F5: variants seen among roughly 807,000 people sequenced by gnomAD.
F5 encodes coagulation factor V, also known as activated protein c cofactor.
In F5, 138 loss-of-function variants were observed where a neutral mutation model predicts 216.4. That is an observed-to-expected ratio of 0.64 (90% CI 0.56 to 0.73). The LOEUF is 0.73. Ranked by LOEUF, F5 falls within the 30% of genes least tolerant of loss-of-function variation. The pLI is 0.00. For missense variants in F5, 2,403 were observed against 2,674.0 expected (o/e 0.90, Z 2.24); for synonymous variants, 916 against 930.7 (o/e 0.98, Z 0.29).
At chr1:169,550,091 G>T in intron 9 of F5, 76 bp from the exon 10 acceptor site, 3 of 1,181,136 alleles carry the variant, frequency 2.5e-6, no homozygotes, top group Admixed American at 1.7e-5. Flanking sequence ...ATAAGCTTTC[G>T]CTGGAACCAA....
At chr1:169,550,777 T>A in intron 8 of F5, 38 bp from the exon 9 acceptor site, 1 of 1,455,682 alleles carries the variant, frequency 6.9e-7, no homozygotes, top group Non-Finnish European at 9.7e-7. Flanking sequence ...GGATTTAAGG[T>A]TGATCATGAC....
chr1:169,546,980 A>G (rs935597144), intron 10 of F5, among the ~76,000 whole-genome samples: 5 of 77,202 alleles, frequency 6.5e-5, no homozygotes, highest in Admixed American at 3.3e-4. Flanking sequence ...AAAAAAAAAA[A>G]AAAGAAAAGA....
Position 169,540,703 on chromosome 1 carries a change from T to A in F5, c.4387A>T (p.Ile1463Leu). ...TGACTAGATTCAGAAGGGTAGAATA[T>A]CTGATCAAGGTCTGGAGGAGGTGAT... Reference protein sequence around the residue: ...QISPPPDLDQIFYPSESSQSL... With the variant: ...QISPPPDLDQLFYPSESSQSL... The change falls in exon 13 of 25, where the codon ATA becomes TTA. Residue 1463 changes from isoleucine to leucine, a missense_variant. Ile to Leu is a conservative substitution (Grantham distance 5). Transcript: ENST00000367797. 6.2e-7 allele frequency: 1 copy of A among 1,614,046 alleles called. No homozygotes were observed. Among genetic ancestry groups the A allele is most frequent in the Non-Finnish European group, 8.5e-7 (1 of 1,179,976 alleles).
At chr1:169,556,939 C>T in intron 5 of F5, 72 bp from the exon 6 acceptor site, 1 of 1,354,660 alleles carries the variant, frequency 7.4e-7, no homozygotes, top group Admixed American at 1.8e-5. Context: ...CATTCACTCA[C>T]CAAGTGTATT....
intron 3 of F5, among the ~76,000 whole-genome samples, chr1:169,567,471 T>G (rs1227441850): frequency 1.3e-5 from 2 of 151,856 alleles, no homozygotes; most frequent in East Asian, 3.9e-4. Flanking sequence ...GGACACAAAC[T>G]TCCAATCCAT....
At position 169,560,712 on chromosome 1, in the gene F5, G is replaced by A; in HGVS notation, c.428C>T (p.Ala143Val). 2 of 1,613,508 alleles carry A rather than the reference G, an allele frequency of 1.2e-6. No homozygotes were observed. The highest frequency in any genetic ancestry group is 1.7e-6 in the Non-Finnish European group (2 of 1,179,778). The change falls in exon 4 of 25, where the codon GCT becomes GTT. Residue 143 changes from alanine (A) to valine (V), a missense_variant. This residue lies in a region of F5 where 1,425 missense variants were observed against 1,554.8 expected (regional missense o/e 0.92). Coordinates refer to ENST00000367797, the MANE Select transcript of F5 (RefSeq NM_000130.5). ...FPAEKMDDAV[A>V]PGREYTYEWS... ...TTCATAGGTGTATTCTCGGCCTGGA[G>A]CCACAGCGTCGTCCATCTTCTCCGC...
Position 169,541,238 on chromosome 1 carries a change from G to T in F5, c.3852C>A (p.Thr1284=), listed in dbSNP as rs778055111. The change falls in exon 13 of 25, where the codon ACC becomes ACA. Residue 1284 remains threonine (T), a synonymous_variant. Coordinates refer to ENST00000367797, the MANE Select transcript of F5 (RefSeq NM_000130.5). ...TTGTCTGGCTGAAGTCTAGAGAAAG[G>T]GTTGTATGGCTGAGGTCTGGAGAAA... ...MPLSPDLSHT[T]LSLDFSQTNL... 9.4e-6 allele frequency: 15 copies of T among 1,588,946 alleles called. No homozygotes were observed. Among genetic ancestry groups the T allele is most frequent in the Admixed American group, 5.1e-5 (3 of 58,472 alleles).
chr1:169,542,952 A>G lies in F5; in HGVS notation c.2138T>C (p.Leu713Ser). The change falls in exon 13 of 25, where the codon TTA becomes TCA. Residue 713 changes from leucine (L) to serine (S), a missense_variant. Leu to Ser is a moderately radical substitution (Grantham distance 145). Coordinates refer to ENST00000367797, the MANE Select transcript of F5 (RefSeq NM_000130.5). ...ATCACTCTCTTCATCTTCAGGTTCT[A>G]AACGATCATGCATTTTCCGTGTAGC... is the stretch of plus-strand genomic sequence containing the variant. ...VMATRKMHDRLEPEDEESDAD... is the reference protein window; with the variant it reads ...VMATRKMHDRSEPEDEESDAD... 1 of 1,614,088 alleles carries G rather than the reference A, an allele frequency of 6.2e-7. No homozygotes were observed. The highest frequency in any genetic ancestry group is 8.5e-7 in the Non-Finnish European group (1 of 1,179,992).
chr1:169,577,695 C>T (rs1166878355), intron 2 of F5, among the ~76,000 whole-genome samples: 1 of 149,786 alleles, frequency 6.7e-6, no homozygotes, highest in East Asian at 2.0e-4. Flanking sequence ...CCACCTTGGC[C>T]TCCCAAAGTG....
chr1:169,558,167 C>T (rs976527206), intron 5 of F5, among the ~76,000 whole-genome samples: 2 of 152,110 alleles, frequency 1.3e-5, no homozygotes, highest in Non-Finnish European at 2.9e-5. Context: ...CACATTGAGA[C>T]AACTAATTTA....
At position 169,514,471 on chromosome 1, in the gene F5, A is replaced by G. The variant is rs375629969; in HGVS notation, c.6529-12T>C. On this transcript the variant is annotated splice_polypyrimidine_tract_variant and intron_variant, in intron 24 of 24. Transcript: ENST00000367797. ...TTTCCTTCAAAAATCTGAAAGCCAA[A>G]TAAGAGAAAATCTTTAATGACAACA... The G allele has an allele frequency of 1.3e-4, 210 of 1,611,506 alleles. No individual in the cohort carries two copies. The highest frequency in any genetic ancestry group is 1.6e-4 in the Non-Finnish European group (194 of 1,178,318).
chr1:169,582,615 TC>T (rs1661015582), intron 1 of F5, 93 bp from the exon 2 acceptor site: 1 of 642,164 alleles, frequency 1.6e-6, no homozygotes, highest in South Asian at 1.8e-5. Flanking sequence ...TCTTCAGACT[TC>T]TAGTAGAATA....
chr1:169,560,415 C>A, intron 4 of F5, 139 bp downstream of exon 4: 1 of 767,922 alleles, frequency 1.3e-6, no homozygotes, highest in Non-Finnish European at 2.2e-6. Context: ...TCTTGTCAAA[C>A]AATGATCTGG....
chr1:169,527,112 C>G (rs965707938), intron 17 of F5, among the ~76,000 whole-genome samples: 1 of 152,042 alleles, frequency 6.6e-6, no homozygotes, highest in Non-Finnish European at 1.5e-5. Context: ...TTGGTGCAAA[C>G]TATAATTGCG....
intron 10 of F5, among the ~76,000 whole-genome samples, chr1:169,547,212 A>C (rs1024584062): frequency 1.3e-5 from 2 of 152,098 alleles, no homozygotes; most frequent in African/African-American, 4.8e-5. Context: ...AACACACTTA[A>C]ACGTAAAACC....
chr1:169,521,755 G>A (rs779594986), intron 21 of F5, among the ~76,000 whole-genome samples: 1 of 150,880 alleles, frequency 6.6e-6, no homozygotes, highest in Non-Finnish European at 1.5e-5. Context: ...CAAGTAGCTG[G>A]GATTACAAGT....
At chr1:169,565,983 G>GA (rs984879580) in intron 3 of F5, among the ~76,000 whole-genome samples, 5 of 151,918 alleles carry the variant, frequency 3.3e-5, no homozygotes, top group Non-Finnish European at 5.9e-5. Context: ...GTCTATAAAA[G>GA]AAAAAAAGTT....
At position 169,550,021 on chromosome 1, in the gene F5, A is replaced by G. The variant is rs774283403; in HGVS notation, c.1397-6T>C. The G allele has an allele frequency of 5.0e-6, 8 of 1,611,084 alleles. No individual in the cohort carries two copies. In the Admixed American group the frequency reaches 1.2e-4, roughly 23 times the overall value. ...GATCATGGTGTTGTTCCTGCCTGAA[A>G]GAAAATATATTCAAAATTGTTTTCA... On this transcript the variant is annotated splice_polypyrimidine_tract_variant and splice_region_variant and intron_variant, in intron 9 of 24. Coordinates refer to ENST00000367797, the MANE Select transcript of F5 (RefSeq NM_000130.5).
chr1:169,583,075 T>C (rs542965771), intron 1 of F5, among the ~76,000 whole-genome samples: 4 of 152,280 alleles, frequency 2.6e-5, no homozygotes, highest in Non-Finnish European at 4.4e-5. Flanking sequence ...GTCCAAGAGA[T>C]ACAGTTGATA....
Sources: allele counts gnomAD v4.1 joint callset (sites outside exome capture counted in the v4.1 genomes callset), GRCh38; gene constraint gnomAD v4.1.1; regional missense constraint gnomAD v4.1.1; transcripts MANE v1.5; gene names NCBI Gene and HGNC (gene_info 2026-07-23, HGNC 2026-07-21).